Variants in DPF3 observed in about 807,000 individuals in gnomAD.
DPF3 encodes double PHD fingers 3.
DPF3 carries 18 observed loss-of-function variants against 56.8 expected under a neutral mutation model. That is an observed-to-expected ratio of 0.32 (90% CI 0.22 to 0.47). DPF3 has a LOEUF of 0.47. Ranked by LOEUF, DPF3 falls within the 20% of genes least tolerant of loss-of-function variation. DPF3 has a pLI of 1.00. For synonymous variants in DPF3, 188 were observed against 180.2 expected (o/e 1.04, Z -0.35); for missense variants, 403 against 488.8 (o/e 0.82, Z 1.65).
At chr14:72,732,797 T>C (rs2139859189) in intron 3 of DPF3, among the ~76,000 whole-genome samples, 1 of 152,142 alleles carries the variant, frequency 6.6e-6, no homozygotes, top group Non-Finnish European at 1.5e-5. Flanking sequence ...AGAGGGTTGG[T>C]GTGTTTCTTT....
intron 1 of DPF3, among the ~76,000 whole-genome samples, chr14:72,844,429 TC>T (rs1884670506): frequency 6.6e-6 from 1 of 152,228 alleles, no homozygotes; most frequent in Non-Finnish European, 1.5e-5. Context: ...TGCTTCTTTT[TC>T]CTGAATCACC....
At chr14:72,865,108 G>A (rs1266636086) in intron 1 of DPF3, among the ~76,000 whole-genome samples, 3 of 152,190 alleles carry the variant, frequency 2.0e-5, no homozygotes, top group Admixed American at 6.5e-5. Context: ...ATGGTCAGGA[G>A]GAGAGAGGGA....
At chr14:72,631,001 C>G (rs2153567107) in intron 8 of DPF3, among the ~76,000 whole-genome samples, 1 of 152,338 alleles carries the variant, frequency 6.6e-6, no homozygotes, top group African/African-American at 2.4e-5. Context: ...GCCCCCATTT[C>G]CTCCCTTTCA....
chr14:72,716,543 T>C (rs1187998058), intron 5 of DPF3, among the ~76,000 whole-genome samples: 1 of 152,164 alleles, frequency 6.6e-6, no homozygotes, highest in African/African-American at 2.4e-5. Context: ...CATTTCATCA[T>C]GGCACTGAGC....
intron 1 of DPF3, chr14:72,892,201 C>T (rs1186215652): frequency 2.0e-6 from 3 of 1,535,334 alleles, no homozygotes; most frequent in Non-Finnish European, 2.6e-6. Flanking sequence ...TGGCATCAGC[C>T]CGGTTATGTG....
chr14:72,821,749 T>C (rs1201926340), intron 1 of DPF3, among the ~76,000 whole-genome samples: 1 of 152,190 alleles, frequency 6.6e-6, no homozygotes, highest in Non-Finnish European at 1.5e-5. Flanking sequence ...CTCATGCCTG[T>C]AATCCCAGAG....
chr14:72,782,271 G>A (rs1892010309), intron 1 of DPF3, among the ~76,000 whole-genome samples: 1 of 151,296 alleles, frequency 6.6e-6, no homozygotes, highest in African/African-American at 2.4e-5. Flanking sequence ...CTGTTGCCCA[G>A]GCTGGATTGC....
intron 1 of DPF3, among the ~76,000 whole-genome samples, chr14:72,824,821 T>C (rs1325988084): frequency 5.9e-5 from 9 of 151,452 alleles, no homozygotes; most frequent in Non-Finnish European, 1.2e-4. Flanking sequence ...ATCCGCCTAC[T>C]TCAGCCTCCC....
intron 1 of DPF3, among the ~76,000 whole-genome samples, chr14:72,786,466 G>A (rs1484547049): frequency 1.3e-5 from 2 of 152,188 alleles, no homozygotes; most frequent in South Asian, 2.1e-4. Flanking sequence ...TTTTATGGGA[G>A]GCAAGCCATG....
At chr14:72,831,056 G>A (rs1354195429) in intron 1 of DPF3, among the ~76,000 whole-genome samples, 1 of 152,140 alleles carries the variant, frequency 6.6e-6, no homozygotes, top group African/African-American at 2.4e-5. Context: ...AGCATCTTCA[G>A]GCTACTGCTG....
chr14:72,829,186 T>C (rs1465179962), intron 1 of DPF3, among the ~76,000 whole-genome samples: 1 of 152,230 alleles, frequency 6.6e-6, no homozygotes, highest in Non-Finnish European at 1.5e-5. Flanking sequence ...TTTATACATG[T>C]GCACTTTTTG....
chr14:72,649,906 T>C (rs371378076), intron 8 of DPF3, among the ~76,000 whole-genome samples: 1 of 152,286 alleles, frequency 6.6e-6, no homozygotes, highest in African/African-American at 2.4e-5. Flanking sequence ...CCAACATCCA[T>C]GCAAGTAACC....
chr14:72,842,260 T>C (rs1231087355), intron 1 of DPF3, among the ~76,000 whole-genome samples: 7 of 152,048 alleles, frequency 4.6e-5, no homozygotes, highest in Non-Finnish European at 7.4e-5. Context: ...ACTTAAGGTC[T>C]CCAAAAGACA....
At chr14:72,783,391 A>G (rs1206494048) in intron 1 of DPF3, among the ~76,000 whole-genome samples, 1 of 152,152 alleles carries the variant, frequency 6.6e-6, no homozygotes, top group Non-Finnish European at 1.5e-5. Context: ...ATCACTCAAC[A>G]AAAAAATGAA....
intron 7 of DPF3, among the ~76,000 whole-genome samples, chr14:72,687,113 A>G (rs750339980): frequency 2.9e-4 from 44 of 152,196 alleles, no homozygotes; most frequent in Non-Finnish European, 5.3e-4. Flanking sequence ...CTCCCCTTTC[A>G]GCTCTGCAGA....
chr14:72,804,584 T>C (rs1026439327), intron 1 of DPF3, among the ~76,000 whole-genome samples: 4 of 152,174 alleles, frequency 2.6e-5, no homozygotes, highest in South Asian at 4.1e-4. Context: ...TGATAGAGTA[T>C]TGGGGGAAGG....
chr14:72,757,039 G>C (rs982808469), intron 2 of DPF3, among the ~76,000 whole-genome samples: 3 of 123,342 alleles, frequency 2.4e-5, no homozygotes, highest in African/African-American at 9.6e-5. Flanking sequence ...GAGAGAGGGA[G>C]AGAGGGACAG....
At chr14:72,842,998 G>A (rs1025627972) in intron 1 of DPF3, among the ~76,000 whole-genome samples, 2 of 152,054 alleles carry the variant, frequency 1.3e-5, no homozygotes, top group African/African-American at 4.8e-5. Context: ...ACTCCAACCC[G>A]GGTGACAGTG....
At chr14:72,704,417 CCT>C (rs1206318427) in intron 6 of DPF3, among the ~76,000 whole-genome samples, 1 of 152,124 alleles carries the variant, frequency 6.6e-6, no homozygotes, top group African/African-American at 2.4e-5. Flanking sequence ...CTGCTAGCAT[CCT>C]CTCTCTCAAT....
Sources: gnomAD v4.1 joint callset for allele counts (sites outside exome capture counted in the v4.1 genomes callset) on GRCh38, gnomAD v4.1.1 for gene constraint, MANE v1.5 for transcripts, NCBI Gene and HGNC (gene_info 2026-07-23, HGNC 2026-07-21) for gene names.